NCOA1: variants seen among roughly 807,000 people sequenced by gnomAD.
NCOA1 encodes the protein Hin-2 protein.
In NCOA1, 35 loss-of-function variants were observed where a neutral mutation model predicts 150.9. That is an observed-to-expected ratio of 0.23 (90% confidence interval 0.18 to 0.31). The LOEUF is 0.31. Ranked by LOEUF, NCOA1 falls within the 10% of genes least tolerant of loss-of-function variation. The probability of loss-of-function intolerance (pLI) is 1.00; values close to 1 mark genes in which losing one functional copy is unlikely to be tolerated. For missense variants in NCOA1, 1,491 were observed against 1,749.3 expected (o/e 0.85, Z 2.63); for synonymous variants, 590 against 630.0 (o/e 0.94, Z 0.95).
At chr2:24,523,522 C>T (rs950236322) in intron 1 of NCOA1, among the ~76,000 whole-genome samples, 15 of 142,582 alleles carry the variant, frequency 1.1e-4, no homozygotes, top group Admixed American at 1.5e-4. Context: ...AGGAGAATGG[C>T]GTGAACCCGG....
intron 3 of NCOA1, among the ~76,000 whole-genome samples, chr2:24,622,642 GT>G (rs1375920291): frequency 1.3e-5 from 2 of 152,032 alleles, no homozygotes; most frequent in South Asian, 2.1e-4. Context: ...GATTTTGTCA[GT>G]TTTTTTAGTC....
Position 24,706,633 on chromosome 2 carries a change from C to A in NCOA1, c.1163C>A (p.Pro388His), listed in dbSNP as rs753418536. Residue 388 changes from proline to histidine, a missense_variant, in exon 13 of 23, where the codon CCC becomes CAC. Pro to His is a moderately conservative substitution (Grantham distance 77). Around this residue, in one of 8 missense-constraint regions of NCOA1, gnomAD observed 703 missense variants for 717.7 expected, o/e 0.98. Transcript: ENST00000348332. The stretch of plus-strand genomic sequence containing the variant: ...GGAATGTCAATTCCCCGAGTAAATC[C>A]CTCGGTCAATCCTAGTATCTCTCCA... ...NSGMSIPRVN[P>H]SVNPSISPAH... 6.2e-7 allele frequency: 1 copy of A among 1,614,140 alleles called. No individual in the cohort carries two copies. The highest frequency in any genetic ancestry group is 8.5e-7 in the Non-Finnish European group (1 of 1,180,006).
intron 4 of NCOA1, among the ~76,000 whole-genome samples, chr2:24,651,327 A>G (rs1670702664): frequency 6.6e-6 from 1 of 152,126 alleles, no homozygotes; most frequent in Admixed American, 6.5e-5. Context: ...ACAAATAGAT[A>G]AAGAAGTTGT....
chr2:24,494,693 C>T (rs999771825), intron 1 of NCOA1, among the ~76,000 whole-genome samples: 3 of 152,144 alleles, frequency 2.0e-5, no homozygotes, highest in African/African-American at 7.2e-5. Flanking sequence ...ATATTGGATG[C>T]TGTGGTCGGT....
At chr2:24,534,903 T>C (rs1665061929) in intron 1 of NCOA1, among the ~76,000 whole-genome samples, 1 of 152,220 alleles carries the variant, frequency 6.6e-6, no homozygotes, top group Admixed American at 6.5e-5. Context: ...TGGGATGTGG[T>C]ACTGAGAAGA....
At chr2:24,558,668 A>G (rs965719171) in intron 1 of NCOA1, among the ~76,000 whole-genome samples, 2 of 152,180 alleles carry the variant, frequency 1.3e-5, no homozygotes, top group Non-Finnish European at 2.9e-5. Flanking sequence ...CAAAAGCGAA[A>G]CACCGAAGCA....
At chr2:24,674,502 G>A (rs546362110) in intron 7 of NCOA1, among the ~76,000 whole-genome samples, 80 of 152,172 alleles carry the variant, frequency 5.3e-4, no homozygotes, top group Non-Finnish European at 1.0e-3. Context: ...CACTGCGCCC[G>A]GCCTATTTCT....
Position 24,549,797 on chromosome 2 carries a change from C to T in NCOA1, c.-395-14498C>T, listed in dbSNP as rs375468562. 8.3e-4 allele frequency among the ~76,000 whole-genome samples: 127 copies of T among 152,352 alleles called. 1 individual carries two copies. In the East Asian group the frequency reaches 0.02, roughly 25 times the overall value. ...GTGTTAACCAGGATGGTCTCGATCT[C>T]CTGACCTTGTGATCCACCCACCTCG... is the stretch of plus-strand genomic sequence containing the variant. On this transcript the variant is annotated intron_variant, in intron 1 of 22. Transcript: ENST00000348332.
intron 7 of NCOA1, among the ~76,000 whole-genome samples, chr2:24,678,293 G>A (rs1030110023): frequency 6.6e-6 from 1 of 152,114 alleles, no homozygotes; most frequent in Non-Finnish European, 1.5e-5. Context: ...TATCATTGAT[G>A]GGCATTTAGG....
chr2:24,686,654 C>A (rs1672418565), intron 8 of NCOA1, among the ~76,000 whole-genome samples: 1 of 152,124 alleles, frequency 6.6e-6, no homozygotes, highest in Non-Finnish European at 1.5e-5. Context: ...AAATATGTAG[C>A]TCAGTGCCTA....
At chr2:24,632,417 C>T (rs1047828001) in intron 3 of NCOA1, among the ~76,000 whole-genome samples, 2 of 152,204 alleles carry the variant, frequency 1.3e-5, no homozygotes. Flanking sequence ...TCCTTCTTCA[C>T]TCTCTGTCAC....
intron 1 of NCOA1, among the ~76,000 whole-genome samples, chr2:24,532,365 TGG>T (rs1664936282): frequency 6.6e-6 from 1 of 152,214 alleles, no homozygotes; most frequent in South Asian, 2.1e-4. Context: ...CTTTGTCAGA[TGG>T]GTATATTGCA....
At chr2:24,668,425 G>GA (rs1280929044) in intron 6 of NCOA1, among the ~76,000 whole-genome samples, 1 of 151,632 alleles carries the variant, frequency 6.6e-6, no homozygotes, top group Admixed American at 6.6e-5. Context: ...CAAGAGAGAA[G>GA]AAAAAACAGG....
At chr2:24,528,221 A>G (rs1425134835) in intron 1 of NCOA1, among the ~76,000 whole-genome samples, 1 of 152,092 alleles carries the variant, frequency 6.6e-6, no homozygotes, top group African/African-American at 2.4e-5. Flanking sequence ...TGTTGTGTTA[A>G]GAAATCATTG....
At chr2:24,562,966 T>C (rs1666347100) in intron 1 of NCOA1, among the ~76,000 whole-genome samples, 1 of 152,128 alleles carries the variant, frequency 6.6e-6, no homozygotes, top group Non-Finnish European at 1.5e-5. Context: ...AGGAAATTGC[T>C]TGGGAGGGTC....
At chr2:24,587,814 C>G (rs1030183847) in intron 3 of NCOA1, among the ~76,000 whole-genome samples, 3 of 152,138 alleles carry the variant, frequency 2.0e-5, no homozygotes, top group Non-Finnish European at 4.4e-5. Flanking sequence ...ATACCCATTG[C>G]TTGGCGGCCC....
At chr2:24,699,752 T>C (rs1673066240) in intron 11 of NCOA1, among the ~76,000 whole-genome samples, 1 of 152,182 alleles carries the variant, frequency 6.6e-6, no homozygotes, top group African/African-American at 2.4e-5. Context: ...ATGTGGTCAA[T>C]GAAACACTTT....
rs1288825478 is a variant in NCOA1 at position 24,722,981 on chromosome 2, C to A, written c.2600-3608C>A. On this transcript the variant is annotated intron_variant, in intron 14 of 22. Transcript: ENST00000348332. ...ACTCCAGCCTGGGCGACAGTGAGAC[C>A]CTGTCTCCAAAAAAAAAAAAAAAAA... Among the ~76,000 whole-genome samples the A allele has an allele frequency of 3.4e-5, 3 of 89,540 alleles. No individual in the cohort carries two copies. In the Admixed American group the frequency reaches 5.6e-4, roughly 17 times the overall value. 58.7% of individuals were successfully genotyped at this position (89,540 alleles called of 152,430 possible). A position where few individuals can be genotyped will look rare whatever the true frequency, so the allele number is the denominator to read the frequency against.
At chr2:24,588,983 T>C (rs1238039283) in intron 3 of NCOA1, among the ~76,000 whole-genome samples, 1 of 152,198 alleles carries the variant, frequency 6.6e-6, no homozygotes, top group Non-Finnish European at 1.5e-5. Context: ...CTTACTCCCA[T>C]CTGGTAAACT....
Sources: allele counts gnomAD v4.1 joint callset (sites outside exome capture counted in the v4.1 genomes callset), GRCh38; gene constraint gnomAD v4.1.1; regional missense constraint gnomAD v4.1.1; transcripts MANE v1.5; gene names NCBI Gene and HGNC (gene_info 2026-07-23, HGNC 2026-07-21).